PCDH15: variants seen among roughly 807,000 people sequenced by gnomAD.
The protein encoded by PCDH15 is protocadherin-15.
PCDH15 carries 129 observed loss-of-function variants against 178.5 expected under a neutral mutation model. The observed-to-expected ratio is 0.72, with a 90% CI of 0.63 to 0.84. The LOEUF (loss-of-function observed/expected upper bound fraction) is 0.84. Among genes scored for constraint, PCDH15 ranks in the 40% least tolerant of loss-of-function variants. The probability of loss-of-function intolerance (pLI) is 0.00; values close to 1 mark genes in which losing one functional copy is unlikely to be tolerated. For synonymous variants in PCDH15, 800 were observed against 732.0 expected (o/e 1.09, Z -1.50); for missense variants, 2,230 against 2,099.9 (o/e 1.06, Z -1.21).
intron 8 of PCDH15, among the ~76,000 whole-genome samples, chr10:54,276,736 A>G (rs1283137570): frequency 6.6e-6 from 1 of 151,804 alleles, no homozygotes; most frequent in African/African-American, 2.4e-5. Flanking sequence ...TTATAAATAA[A>G]TTTATACAGT....
chr10:55,592,008 T>C (rs1842850881), intron 2 of PCDH15, among the ~76,000 whole-genome samples: 1 of 152,148 alleles, frequency 6.6e-6, no homozygotes, highest in Non-Finnish European at 1.5e-5. Context: ...AAGATCTCAC[T>C]GAAAGAATAC....
chr10:54,984,115 A>G (rs531337614), intron 2 of PCDH15, among the ~76,000 whole-genome samples: 24 of 152,264 alleles, frequency 1.6e-4, no homozygotes, highest in African/African-American at 5.5e-4. Context: ...TCAGAAGCTG[A>G]CACCCCAAAG....
At chr10:54,693,177 A>C (rs2095159240) in intron 1 of PCDH15, among the ~76,000 whole-genome samples, 1 of 151,978 alleles carries the variant, frequency 6.6e-6, no homozygotes, top group Non-Finnish European at 1.5e-5. Flanking sequence ...AAGAAATAAA[A>C]CCATTCTTAG....
intron 3 of PCDH15, among the ~76,000 whole-genome samples, chr10:54,435,119 A>T (rs2075297599): frequency 1.3e-5 from 2 of 152,172 alleles, no homozygotes; most frequent in South Asian, 4.1e-4. Context: ...AATCTTTACC[A>T]TAGACTACAA....
chr10:54,709,500 GT>G (rs2095405879), intron 1 of PCDH15, among the ~76,000 whole-genome samples: 1 of 149,698 alleles, frequency 6.7e-6, no homozygotes, highest in Non-Finnish European at 1.5e-5. Flanking sequence ...TACTTCCATT[GT>G]TGTTGTGAGG....
intron 2 of PCDH15, among the ~76,000 whole-genome samples, chr10:55,078,049 CTTTG>C (rs1209489804): frequency 5.3e-5 from 8 of 152,028 alleles, no homozygotes; most frequent in African/African-American, 1.9e-4. Flanking sequence ...CAGGGAAAGG[CTTTG>C]TTTATTTTTC....
intron 2 of PCDH15, among the ~76,000 whole-genome samples, chr10:55,412,446 A>T (rs981831351): frequency 6.6e-6 from 1 of 151,978 alleles, no homozygotes; most frequent in Non-Finnish European, 1.5e-5. Flanking sequence ...TGTGCAATAG[A>T]GTAGAGTGGG....
chr10:54,912,155 A>G (rs1954829916), intron 2 of PCDH15, among the ~76,000 whole-genome samples: 1 of 152,070 alleles, frequency 6.6e-6, no homozygotes, highest in South Asian at 2.1e-4. Flanking sequence ...TAGTAGACAA[A>G]TTTTGAATAT....
At chr10:55,159,341 ATATCTATC>A (rs1358781966) in intron 2 of PCDH15, among the ~76,000 whole-genome samples, 1 of 33,088 alleles carries the variant, frequency 3.0e-5, no homozygotes. Flanking sequence ...TAAGATTACC[ATATCTATC>A]TATCTATCTA....
At chr10:54,412,097 G>A (rs1953616695) in intron 3 of PCDH15, among the ~76,000 whole-genome samples, 1 of 151,824 alleles carries the variant, frequency 6.6e-6, no homozygotes, top group African/African-American at 2.4e-5. Flanking sequence ...GCATGTGATG[G>A]GCAAAAGAGC....
intron 8 of PCDH15, among the ~76,000 whole-genome samples, chr10:54,289,832 A>G (rs1470797998): frequency 1.3e-5 from 2 of 152,184 alleles, no homozygotes; most frequent in African/African-American, 4.8e-5. Context: ...TAAAGTGAGA[A>G]GAGAAGGTTA....
At chr10:55,274,459 T>C (rs1327979385) in intron 1 of PCDH15, among the ~76,000 whole-genome samples, 1 of 152,064 alleles carries the variant, frequency 6.6e-6, no homozygotes. Flanking sequence ...CAATGGGAAC[T>C]AACCTTAAGA....
intron 2 of PCDH15, among the ~76,000 whole-genome samples, chr10:55,490,095 C>A (rs1840379263): frequency 6.6e-6 from 1 of 151,624 alleles, no homozygotes; most frequent in South Asian, 2.1e-4. Flanking sequence ...GGACAACAAG[C>A]AGCAGAGGAC....
intron 1 of PCDH15, among the ~76,000 whole-genome samples, chr10:55,238,382 C>G (rs1841450594): frequency 6.6e-6 from 1 of 151,988 alleles, no homozygotes; most frequent in African/African-American, 2.4e-5. Flanking sequence ...GATCTCCTGA[C>G]CTCGTGATCC....
At chr10:54,926,594 T>A (rs1025002981) in intron 2 of PCDH15, among the ~76,000 whole-genome samples, 12 of 151,938 alleles carry the variant, frequency 7.9e-5, no homozygotes, top group Non-Finnish European at 1.3e-4. Context: ...GCTTTTTTTT[T>A]AGATTTGTAG....
intron 1 of PCDH15, among the ~76,000 whole-genome samples, chr10:55,204,360 A>T (rs573747190): frequency 6.6e-6 from 1 of 151,450 alleles, no homozygotes; most frequent in African/African-American, 2.4e-5. Flanking sequence ...ATGTATATAT[A>T]TACATATGTA....
chr10:54,854,791 G>A (rs903835346), intron 3 of PCDH15, among the ~76,000 whole-genome samples: 1 of 152,150 alleles, frequency 6.6e-6, no homozygotes, highest in Non-Finnish European at 1.5e-5. Flanking sequence ...GGCCAGAGAA[G>A]GCACAACAAG....
At chr10:55,170,101 T>A (rs947637997) in intron 1 of PCDH15, among the ~76,000 whole-genome samples, 2 of 152,066 alleles carry the variant, frequency 1.3e-5, no homozygotes, top group Non-Finnish European at 2.9e-5. Flanking sequence ...AATTTGAACC[T>A]ACTTGAATTT....
chr10:54,699,057 A>C (rs2095272808), intron 1 of PCDH15, among the ~76,000 whole-genome samples: 1 of 152,162 alleles, frequency 6.6e-6, no homozygotes, highest in Non-Finnish European at 1.5e-5. Context: ...GAAAAACAGC[A>C]TTGGTTTACC....
Sources: gnomAD v4.1 joint callset for allele counts (sites outside exome capture counted in the v4.1 genomes callset) on GRCh38, gnomAD v4.1.1 for gene constraint, MANE v1.5 for transcripts, NCBI Gene and HGNC (gene_info 2026-07-23, HGNC 2026-07-21) for gene names.